Variants in EGFLAM observed in about 807,000 individuals in gnomAD.
EGFLAM encodes EGF like, fibronectin type III and laminin G domains.
Under a neutral mutation model 113.1 loss-of-function variants are expected in EGFLAM, and 79 were observed. The observed-to-expected ratio is 0.70, with a 90% CI of 0.58 to 0.84. The LOEUF is 0.84. EGFLAM is among the 40% of genes least tolerant of loss of function. The probability of loss-of-function intolerance (pLI) is 0.00; values close to 1 mark genes in which losing one functional copy is unlikely to be tolerated. For synonymous variants in EGFLAM, 504 were observed against 487.6 expected (o/e 1.03, Z -0.44); for missense variants, 1,265 against 1,291.6 (o/e 0.98, Z 0.32).
chr5:38,327,097 C>T (rs1466436648), intron 1 of EGFLAM, among the ~76,000 whole-genome samples: 1 of 152,136 alleles, frequency 6.6e-6, no homozygotes, highest in African/African-American at 2.4e-5. Flanking sequence ...CGCACCTGGC[C>T]AATAAGGGTA....
chr5:38,310,729 C>T (rs2111858119), intron 1 of EGFLAM, among the ~76,000 whole-genome samples: 1 of 152,202 alleles, frequency 6.6e-6, no homozygotes, highest in Non-Finnish European at 1.5e-5. Flanking sequence ...GAACATAACA[C>T]AAGGTGGCAG....
At chr5:38,363,771 A>T (rs974272963) in intron 5 of EGFLAM, among the ~76,000 whole-genome samples, 2 of 152,142 alleles carry the variant, frequency 1.3e-5, no homozygotes, top group Admixed American at 1.3e-4. Context: ...GCTTCATTGG[A>T]CTGTCAAAGT....
At chr5:38,336,879 A>G (rs1369209094) in intron 1 of EGFLAM, among the ~76,000 whole-genome samples, 1 of 152,202 alleles carries the variant, frequency 6.6e-6, no homozygotes, top group Non-Finnish European at 1.5e-5. Context: ...AACAAGAGAT[A>G]TACCACAATG....
At chr5:38,453,650 G>A (rs1336446285) in intron 19 of EGFLAM, among the ~76,000 whole-genome samples, 3 of 151,976 alleles carry the variant, frequency 2.0e-5, no homozygotes, top group Admixed American at 1.3e-4. Context: ...GGTTGAACAC[G>A]GAGCTCTTCA....
At chr5:38,258,904 T>C (rs1757425550) in intron 1 of EGFLAM, 53 bp downstream of exon 1, 1 of 1,553,884 alleles carries the variant, frequency 6.4e-7, no homozygotes, top group Middle Eastern at 1.9e-4. Flanking sequence ...CCTGCTGGGC[T>C]CCGGGGCGAG....
intron 5 of EGFLAM, among the ~76,000 whole-genome samples, chr5:38,357,431 C>G (rs184616035): frequency 6.6e-6 from 1 of 151,946 alleles, no homozygotes; most frequent in Non-Finnish European, 1.5e-5. Flanking sequence ...TTATAACAGC[C>G]CAAAGAGACT....
intron 6 of EGFLAM, chr5:38,401,293 G>C (rs1741104395): frequency 6.6e-6 from 1 of 152,106 alleles, no homozygotes; most frequent in Middle Eastern, 3.2e-3. Context: ...CTAGGTTCCA[G>C]GTTCTTCTGA....
intron 17 of EGFLAM, among the ~76,000 whole-genome samples, chr5:38,444,743 G>A (rs920414110): frequency 6.6e-6 from 1 of 152,212 alleles, no homozygotes; most frequent in East Asian, 1.9e-4. Flanking sequence ...TCAGGAGGTC[G>A]AGACCAGCCT....
chr5:38,276,878 C>G (rs1220162181), intron 1 of EGFLAM, among the ~76,000 whole-genome samples: 2 of 152,058 alleles, frequency 1.3e-5, no homozygotes, highest in Non-Finnish European at 2.9e-5. Context: ...AATAGAAAAT[C>G]TGAACATACC....
At chr5:38,445,649 C>T (rs756029310) in intron 17 of EGFLAM, 2 of 1,598,474 alleles carry the variant, frequency 1.3e-6, no homozygotes, top group Non-Finnish European at 1.7e-6. Flanking sequence ...GCTGACTCTC[C>T]CTGTTCTCTT....
chr5:38,297,090 T>C (rs1033764080), intron 1 of EGFLAM, among the ~76,000 whole-genome samples: 1 of 152,140 alleles, frequency 6.6e-6, no homozygotes, highest in Non-Finnish European at 1.5e-5. Context: ...AACAGCTAAA[T>C]GTAATATGAG....
intron 1 of EGFLAM, among the ~76,000 whole-genome samples, chr5:38,333,170 A>C (rs1055879743): frequency 6.6e-6 from 1 of 152,190 alleles, no homozygotes; most frequent in Non-Finnish European, 1.5e-5. Flanking sequence ...CATGGTGTAT[A>C]GGTACCACAT....
intron 12 of EGFLAM, among the ~76,000 whole-genome samples, chr5:38,418,892 C>T (rs906416314): frequency 2.0e-5 from 3 of 152,134 alleles, no homozygotes; most frequent in African/African-American, 7.2e-5. Flanking sequence ...AGATAATTCC[C>T]AGGTTGGTTA....
rs180776204 is a variant in EGFLAM at position 38,280,332 on chromosome 5, A to G, written c.97+21481A>G. On this transcript the variant is annotated intron_variant, in intron 1 of 21. Coordinates refer to ENST00000322350, the MANE Select transcript of EGFLAM (RefSeq NM_152403.4). Reference sequence around the variant, plus strand: ...ACGATTGTCCTGCTCTTCACTCCACAGTTACTGTCAGCTCTTCTCTGCCCT... The same window carrying G: ...ACGATTGTCCTGCTCTTCACTCCACGGTTACTGTCAGCTCTTCTCTGCCCT... 4.2e-3 allele frequency among the ~76,000 whole-genome samples: 634 copies of G among 152,302 alleles called. 2 individuals carry two copies. The highest frequency in any genetic ancestry group is 7.4e-3 in the Non-Finnish European group (505 of 68,018).
intron 20 of EGFLAM, among the ~76,000 whole-genome samples, chr5:38,462,254 G>T (rs992612119): frequency 3.9e-5 from 6 of 152,124 alleles, no homozygotes; most frequent in African/African-American, 1.4e-4. Context: ...TGCTTCATTG[G>T]CTTCTCATTG....
chr5:38,431,388 C>G (rs1255269199), intron 15 of EGFLAM, 100 bp downstream of exon 15: 4 of 1,177,764 alleles, frequency 3.4e-6, no homozygotes, highest in Non-Finnish European at 4.8e-6. Flanking sequence ...TGGTTAACTA[C>G]ATGGACTTCA....
chr5:38,376,853 TAG>T (rs895154002), intron 6 of EGFLAM, among the ~76,000 whole-genome samples: 1 of 152,152 alleles, frequency 6.6e-6, no homozygotes, highest in Non-Finnish European at 1.5e-5. Context: ...GTATTTTTTG[TAG>T]AGACAAGGTT....
chr5:38,417,921 G>T (rs1741703987), intron 11 of EGFLAM, 145 bp from the exon 12 acceptor site: 1 of 799,340 alleles, frequency 1.3e-6, no homozygotes, highest in Non-Finnish European at 1.9e-6. Flanking sequence ...TTCCAGTAAG[G>T]CAAGGTCTTA....
At chr5:38,280,526 C>A (rs2111750870) in intron 1 of EGFLAM, among the ~76,000 whole-genome samples, 1 of 152,298 alleles carries the variant, frequency 6.6e-6, no homozygotes, top group African/African-American at 2.4e-5. Context: ...TCCTTTAGTA[C>A]AGCTTCACTG....
Sources: gnomAD v4.1 joint callset for allele counts (sites outside exome capture counted in the v4.1 genomes callset) on GRCh38, gnomAD v4.1.1 for gene constraint, MANE v1.5 for transcripts, NCBI Gene and HGNC (gene_info 2026-07-23, HGNC 2026-07-21) for gene names.